DLG2: variants seen among roughly 807,000 people sequenced by gnomAD.
DLG2 encodes the protein discs large MAGUK scaffold protein 2.
Under a neutral mutation model 132.5 loss-of-function variants are expected in DLG2, and 45 were observed. That is an observed-to-expected ratio of 0.34 (90% confidence interval 0.27 to 0.44). The LOEUF is 0.44. DLG2 is among the 20% of genes least tolerant of loss of function. The pLI is 1.00. For synonymous variants in DLG2, 424 were observed against 419.6 expected, an observed-to-expected ratio of 1.01 and a Z score of -0.13; for missense variants, 1,045 against 1,196.9, an observed-to-expected ratio of 0.87 and a Z score of 1.87.
At chr11:84,450,540 A>G (rs2099048748) in intron 7 of DLG2, among the ~76,000 whole-genome samples, 1 of 151,778 alleles carries the variant, frequency 6.6e-6, no homozygotes, top group Admixed American at 6.6e-5. Flanking sequence ...TAAATGTTTA[A>G]TCATGACAAA....
chr11:85,068,798 C>A (rs1341399786), intron 6 of DLG2, among the ~76,000 whole-genome samples: 3 of 152,082 alleles, frequency 2.0e-5, no homozygotes, highest in African/African-American at 4.8e-5. Flanking sequence ...TTGGAAAAAA[C>A]TACTTTAAAG....
chr11:84,377,292 A>C (rs533218777), intron 7 of DLG2, among the ~76,000 whole-genome samples: 9 of 152,188 alleles, frequency 5.9e-5, no homozygotes, highest in Middle Eastern at 3.4e-3. Context: ...TGGTATCATT[A>C]AATTTTAAAA....
At chr11:85,297,757 T>C (rs535524077) in intron 3 of DLG2, among the ~76,000 whole-genome samples, 9 of 151,530 alleles carry the variant, frequency 5.9e-5, no homozygotes, top group Non-Finnish European at 1.3e-4. Flanking sequence ...CAGAGCAGAG[T>C]GTCAGAGTGG....
At chr11:84,200,850 G>A (rs927008724) in intron 8 of DLG2, among the ~76,000 whole-genome samples, 2 of 152,132 alleles carry the variant, frequency 1.3e-5, no homozygotes, top group Non-Finnish European at 2.9e-5. Flanking sequence ...CTTTAAGACT[G>A]AGACAATAGG....
chr11:85,340,663 T>A (rs925193957), intron 3 of DLG2, among the ~76,000 whole-genome samples: 5 of 152,218 alleles, frequency 3.3e-5, no homozygotes, highest in Non-Finnish European at 7.3e-5. Context: ...AAAATTTTTT[T>A]AAAAAGAATA....
At chr11:83,987,224 A>C (rs2093385993) in intron 11 of DLG2, among the ~76,000 whole-genome samples, 1 of 152,120 alleles carries the variant, frequency 6.6e-6, no homozygotes, top group Non-Finnish European at 1.5e-5. Context: ...AGAACATTCC[A>C]TGCTCATGGG....
At chr11:84,741,980 A>G (rs1565841956) in intron 6 of DLG2, among the ~76,000 whole-genome samples, 1 of 152,102 alleles carries the variant, frequency 6.6e-6, no homozygotes, top group Non-Finnish European at 1.5e-5. Flanking sequence ...TACCATAAAG[A>G]AGAACCAAAC....
chr11:84,126,416 A>G (rs2094174837), intron 9 of DLG2, among the ~76,000 whole-genome samples: 1 of 152,208 alleles, frequency 6.6e-6, no homozygotes, highest in Admixed American at 6.5e-5. Flanking sequence ...GGCCTTTTAA[A>G]GCATAATACC....
intron 16 of DLG2, among the ~76,000 whole-genome samples, chr11:83,855,224 C>T (rs1334336193): frequency 6.6e-6 from 1 of 152,164 alleles, no homozygotes. Context: ...GGTGGGAATG[C>T]AAATGGTATA....
At chr11:83,987,728 TA>T in intron 11 of DLG2, among the ~76,000 whole-genome samples, 1 of 152,166 alleles carries the variant, frequency 6.6e-6, no homozygotes, top group East Asian at 1.9e-4. Context: ...ACGTTAGACC[TA>T]AAACCATAAA....
chr11:83,594,749 G>A (rs979223571), intron 19 of DLG2, among the ~76,000 whole-genome samples: 1 of 152,176 alleles, frequency 6.6e-6, no homozygotes, highest in Non-Finnish European at 1.5e-5. Flanking sequence ...ATTGTGAAAT[G>A]TCCATTCCCA....
intron 3 of DLG2, among the ~76,000 whole-genome samples, chr11:85,382,966 A>G (rs947078992): frequency 2.6e-5 from 4 of 152,152 alleles, no homozygotes; most frequent in Admixed American, 6.5e-5. Flanking sequence ...TGAACCAGCA[A>G]TTCTGCTCCT....
chr11:85,399,411 A>C (rs1418111511), intron 3 of DLG2, among the ~76,000 whole-genome samples: 1 of 152,196 alleles, frequency 6.6e-6, no homozygotes, highest in Admixed American at 6.5e-5. Context: ...GACTTTCTTC[A>C]CAGAATTGGA....
intron 3 of DLG2, among the ~76,000 whole-genome samples, chr11:85,492,844 T>C (rs554858739): frequency 1.2e-4 from 18 of 152,198 alleles, no homozygotes; most frequent in African/African-American, 4.3e-4. Context: ...TGACGGTTGA[T>C]AGGGAGAAAC....
intron 6 of DLG2, among the ~76,000 whole-genome samples, chr11:84,703,364 A>G (rs1377288939): frequency 6.6e-6 from 1 of 151,610 alleles, no homozygotes; most frequent in Non-Finnish European, 1.5e-5. Context: ...CTAAATGATC[A>G]ACTTTTCTTT....
chr11:83,633,766 A>ACACC (rs1327319141), intron 18 of DLG2, among the ~76,000 whole-genome samples: 50 of 148,864 alleles, frequency 3.4e-4, no homozygotes, highest in African/African-American at 1.2e-3. Context: ...ACACACACAC[A>ACACC]CACACACACA....
At chr11:84,056,243 G>C (rs1237554566) in intron 11 of DLG2, among the ~76,000 whole-genome samples, 2 of 151,998 alleles carry the variant, frequency 1.3e-5, no homozygotes, top group African/African-American at 4.8e-5. Context: ...CCCCGGAACA[G>C]GCCCTGGTGT....
chr11:84,649,077 T>C (rs961878259), intron 6 of DLG2, among the ~76,000 whole-genome samples: 1 of 152,196 alleles, frequency 6.6e-6, no homozygotes, highest in East Asian at 1.9e-4. Context: ...ATGATTCAGG[T>C]ATAAAGCTTC....
chr11:84,231,072 A>T (rs1172213361), intron 8 of DLG2, among the ~76,000 whole-genome samples: 5 of 152,190 alleles, frequency 3.3e-5, no homozygotes, highest in Non-Finnish European at 7.4e-5. Context: ...TAGACACGGG[A>T]TTGTCTTCAA....
Sources: gnomAD v4.1 joint callset for allele counts (sites outside exome capture counted in the v4.1 genomes callset) on GRCh38, gnomAD v4.1.1 for gene constraint, MANE v1.5 for transcripts, NCBI Gene and HGNC (gene_info 2026-07-23, HGNC 2026-07-21) for gene names.